Variants in DOCK1 observed in about 807,000 individuals in gnomAD.
The protein encoded by DOCK1 is dedicator of cytokinesis 1, also known as dedicator of cytokinesis protein 1.
In DOCK1, 138 loss-of-function variants were observed where a neutral mutation model predicts 262.7. That is an observed-to-expected ratio of 0.53 (90% CI 0.46 to 0.61). DOCK1 has a LOEUF of 0.61. Ranked by LOEUF, DOCK1 falls within the 20% of genes least tolerant of loss-of-function variation. The pLI is 0.00. For missense variants in DOCK1, 1,908 were observed against 2,370.7 expected, an observed-to-expected ratio of 0.80 and a Z score of 4.05; for synonymous variants, 866 against 867.4, an observed-to-expected ratio of 1.00 and a Z score of 0.03.
intron 27 of DOCK1, among the ~76,000 whole-genome samples, chr10:127,159,190 T>A (rs1031405554): frequency 2.0e-5 from 3 of 152,182 alleles, no homozygotes; most frequent in Non-Finnish European, 4.4e-5. Flanking sequence ...GGAGTCCAGT[T>A]TTTGAGTCAT....
chr10:126,989,440 C>A (rs1169137664), intron 5 of DOCK1, among the ~76,000 whole-genome samples: 1 of 152,176 alleles, frequency 6.6e-6, no homozygotes, highest in Non-Finnish European at 1.5e-5. Flanking sequence ...AATGCTCCCA[C>A]CTCAGCCTCC....
chr10:127,224,427 T>C (rs1256066242), intron 27 of DOCK1, among the ~76,000 whole-genome samples: 1 of 151,940 alleles, frequency 6.6e-6, no homozygotes, highest in East Asian at 1.9e-4. Flanking sequence ...CCAGGCATGG[T>C]GGTACACACC....
At chr10:127,068,284 T>C (rs963108176) in intron 23 of DOCK1, among the ~76,000 whole-genome samples, 44 of 152,222 alleles carry the variant, frequency 2.9e-4, no homozygotes, top group African/African-American at 1.1e-3. Context: ...TCCACACGGC[T>C]ACTCACAGAT....
chr10:126,918,308 C>CGG (rs1309940384), intron 1 of DOCK1, among the ~76,000 whole-genome samples: 1 of 152,196 alleles, frequency 6.6e-6, no homozygotes, highest in Non-Finnish European at 1.5e-5. Flanking sequence ...CAGCGTGCAG[C>CGG]GGGGGCTCTG....
At chr10:127,343,597 T>C (rs776531060) in intron 30 of DOCK1, 49 bp from the exon 31 acceptor site, 2 of 1,400,246 alleles carry the variant, frequency 1.4e-6, no homozygotes, top group Admixed American at 2.0e-5. Context: ...GTTGAGATCC[T>C]ATATCAAGCT....
At chr10:127,395,245 A>C (rs2066751596) in intron 38 of DOCK1, among the ~76,000 whole-genome samples, 1 of 152,154 alleles carries the variant, frequency 6.6e-6, no homozygotes, top group Admixed American at 6.5e-5. Flanking sequence ...GGACCTGGGA[A>C]TTCCTAGATC....
At chr10:127,362,998 C>CGT (rs1487274545) in intron 33 of DOCK1, among the ~76,000 whole-genome samples, 5 of 91,916 alleles carry the variant, frequency 5.4e-5, no homozygotes, top group Admixed American at 1.0e-4. Flanking sequence ...CCCCCCCACA[C>CGT]ACACACGCAC....
At chr10:127,250,522 G>T (rs949482980) in intron 28 of DOCK1, among the ~76,000 whole-genome samples, 1 of 152,134 alleles carries the variant, frequency 6.6e-6, no homozygotes, top group South Asian at 2.1e-4. Flanking sequence ...CGGGCGTGGT[G>T]GCTCACGCCT....
intron 29 of DOCK1, among the ~76,000 whole-genome samples, chr10:127,280,035 A>T (rs201588363): frequency 0.037 from 2,223 of 59,716 alleles, 30 homozygotes; most frequent in South Asian, 0.05. Flanking sequence ...TATATATATA[A>T]TTTTTTTTTT....
At chr10:127,395,970 G>A (rs1056406829) in intron 38 of DOCK1, among the ~76,000 whole-genome samples, 10 of 152,180 alleles carry the variant, frequency 6.6e-5, no homozygotes, top group African/African-American at 2.4e-4. Flanking sequence ...GCAAGGCAGC[G>A]AGGGTGCACA....
chr10:127,256,665 T>A (rs2059834199), intron 28 of DOCK1, among the ~76,000 whole-genome samples: 1 of 152,204 alleles, frequency 6.6e-6, no homozygotes, highest in African/African-American at 2.4e-5. Flanking sequence ...GCACATTCCA[T>A]GGAAGCAGGG....
chr10:127,347,665 G>A (rs990443713), intron 31 of DOCK1, among the ~76,000 whole-genome samples: 1 of 151,202 alleles, frequency 6.6e-6, no homozygotes, highest in African/African-American at 2.4e-5. Flanking sequence ...CGTGGAGCTT[G>A]ATGCATGCAC....
intron 24 of DOCK1, among the ~76,000 whole-genome samples, chr10:127,106,527 T>C (rs530994963): frequency 9.2e-5 from 14 of 152,260 alleles, no homozygotes; most frequent in African/African-American, 3.1e-4. Context: ...TTTAAGAAGA[T>C]TGTTTACAGT....
At chr10:127,329,514 G>T (rs2062884821) in intron 29 of DOCK1, among the ~76,000 whole-genome samples, 1 of 151,518 alleles carries the variant, frequency 6.6e-6, no homozygotes, top group South Asian at 2.1e-4. Context: ...GCAGACACTG[G>T]GGTGCTGGGG....
intron 28 of DOCK1, among the ~76,000 whole-genome samples, chr10:127,252,332 A>C (rs1385079641): frequency 1.3e-5 from 2 of 151,560 alleles, no homozygotes; most frequent in Non-Finnish European, 2.9e-5. Context: ...CCCATTTTTT[A>C]GGTTGCCTTT....
At chr10:127,203,726 C>T (rs1305796457) in intron 27 of DOCK1, among the ~76,000 whole-genome samples, 2 of 151,120 alleles carry the variant, frequency 1.3e-5, no homozygotes, top group African/African-American at 4.9e-5. Flanking sequence ...GGTAGGGCTG[C>T]GGATCTCCCC....
intron 27 of DOCK1, among the ~76,000 whole-genome samples, chr10:127,183,774 A>G (rs2055958830): frequency 6.6e-6 from 1 of 152,136 alleles, no homozygotes; most frequent in African/African-American, 2.4e-5. Context: ...AAATAAACAA[A>G]AGGTCTATAT....
intron 33 of DOCK1, among the ~76,000 whole-genome samples, chr10:127,366,418 G>A (rs1382076841): frequency 2.0e-5 from 3 of 152,018 alleles, no homozygotes; most frequent in Admixed American, 6.6e-5. Flanking sequence ...TGCGGGTCAT[G>A]CTGGACTGGC....
At chr10:127,291,846 A>G (rs1457962078) in intron 29 of DOCK1, among the ~76,000 whole-genome samples, 1 of 152,186 alleles carries the variant, frequency 6.6e-6, no homozygotes, top group African/African-American at 2.4e-5. Flanking sequence ...GACATAAATC[A>G]TCTTTTAAAC....
Sources: gnomAD v4.1 joint callset for allele counts (sites outside exome capture counted in the v4.1 genomes callset) on GRCh38, gnomAD v4.1.1 for gene constraint, MANE v1.5 for transcripts, NCBI Gene and HGNC (gene_info 2026-07-23, HGNC 2026-07-21) for gene names.